The following ALDH5A1 variants were observed in gnomAD, a reference collection of about 807,000 sequenced individuals.
ALDH5A1 encodes aldehyde dehydrogenase 5 family member A1, also known as succinate-semialdehyde dehydrogenase, mitochondrial.
In ALDH5A1, 33 loss-of-function variants were observed where a neutral mutation model predicts 54.7. The observed-to-expected ratio is 0.60, with a 90% CI of 0.46 to 0.81. The LOEUF (loss-of-function observed/expected upper bound fraction) is 0.81. Ranked by LOEUF, ALDH5A1 falls within the 30% of genes least tolerant of loss-of-function variation. ALDH5A1 has a pLI of 0.00. For synonymous variants in ALDH5A1, 294 were observed against 292.7 expected (o/e 1.00, Z -0.05); for missense variants, 657 against 711.0 (o/e 0.92, Z 0.86).
At position 24,508,361 on chromosome 6, in the gene ALDH5A1, C is replaced by CAAAAAAAAAAAAAAAAAAA. The variant is rs1214819272; in HGVS notation, c.726+3385_726+3403dup. ...AGGTGACAGAGCAAGACTCCATCTCCAAAAAAAAAAAAAAAAAAAAAAAAA... is the reference window on the plus strand; with the variant it reads ...AGGTGACAGAGCAAGACTCCATCTCCAAAAAAAAAAAAAAAAAAAAAAAAAAAAAAAAAAAAAAAAAAAA... On this transcript the variant is annotated intron_variant, in intron 4 of 9. Transcript: ENST00000357578. Among the ~76,000 whole-genome samples the CAAAAAAAAAAAAAAAAAAA allele has an allele frequency of 1.1e-3, 15 of 13,068 alleles. 2 individuals are homozygous for CAAAAAAAAAAAAAAAAAAA. The highest frequency in any genetic ancestry group is 2.0e-3 in the African/African-American group (8 of 4,042). The allele number at this position is 13,068 out of a possible 152,430, so 8.6% of individuals were successfully genotyped here.
At chr6:24,496,293 A>C (rs1764703516) in intron 1 of ALDH5A1, among the ~76,000 whole-genome samples, 1 of 152,160 alleles carries the variant, frequency 6.6e-6, no homozygotes, top group African/African-American at 2.4e-5. Flanking sequence ...AGCAGAAGAG[A>C]GATCAGAACT....
Position 24,504,939 on chromosome 6 carries a change from T to C in ALDH5A1, c.680T>C (p.Val227Ala). 2 of 1,614,216 alleles carry C rather than the reference T, an allele frequency of 1.2e-6. No individual in the cohort carries two copies. Among genetic ancestry groups the C allele is most frequent in the Non-Finnish European group, 1.7e-6 (2 of 1,180,036 alleles). ...CTGGCAGCCGGCTGTACTGTCGTGG[T>C]GAAGCCTGCCGAAGACACGCCCTTC... ...AALAAGCTVV[V>A]KPAEDTPFSA... Residue 227 changes from valine (V) to alanine (A), a missense_variant, in exon 4 of 10, where the codon GTG becomes GCG. By Grantham distance (64) the Val-to-Ala change is moderately conservative (BLOSUM62 0). Coordinates refer to ENST00000357578, the MANE Select transcript of ALDH5A1 (RefSeq NM_001080.3).
chr6:24,523,945 CAAG>C (rs1759752300), intron 7 of ALDH5A1, among the ~76,000 whole-genome samples: 1 of 150,024 alleles, frequency 6.7e-6, no homozygotes, highest in Admixed American at 6.6e-5. Flanking sequence ...TTTGGAGTCA[CAAG>C]AAAGTTTCTT....
chr6:24,520,813 C>A (rs541730449), intron 6 of ALDH5A1, among the ~76,000 whole-genome samples: 7 of 151,962 alleles, frequency 4.6e-5, no homozygotes, highest in African/African-American at 1.7e-4. Flanking sequence ...CTCAGAGGGG[C>A]CCCCCCAAAA....
At chr6:24,515,141 C>A (rs760979320) in intron 4 of ALDH5A1, 26 bp from the exon 5 acceptor site, 3 of 1,323,130 alleles carry the variant, frequency 2.3e-6, no homozygotes, top group Non-Finnish European at 3.1e-6. Context: ...AAATTGTTGG[C>A]ACATGTTTGC....
chr6:24,504,771 T>G lies in ALDH5A1; in HGVS notation c.610-98T>G, dbSNP rs759618993. 44 of 1,192,472 alleles carry G rather than the reference T, an allele frequency of 3.7e-5. No homozygotes were observed. In the East Asian group the frequency reaches 4.0e-4, roughly 11 times the overall value. 73.9% of individuals were successfully genotyped at this position (1,192,472 alleles called of 1,614,324 possible). ...GCCAAACGGGTTTGTCAATCAGTTG[T>G]GCAATGAAATTTGTTCACTGACTTC... On this transcript the variant is annotated intron_variant, in intron 3 of 9. Transcript: ENST00000357578.
intron 1 of ALDH5A1, among the ~76,000 whole-genome samples, chr6:24,496,747 T>C (rs1764714626): frequency 6.6e-6 from 1 of 152,168 alleles, no homozygotes; most frequent in Non-Finnish European, 1.5e-5. Flanking sequence ...CCTCTGTGTG[T>C]ATATGTGTCC....
chr6:24,529,819 C>T (rs1269856088), intron 8 of ALDH5A1, among the ~76,000 whole-genome samples: 1 of 151,414 alleles, frequency 6.6e-6, no homozygotes, highest in African/African-American at 2.4e-5. Flanking sequence ...TTACAGGCGC[C>T]CGCCACCAGG....
At chr6:24,511,675 T>C (rs7769083) in intron 4 of ALDH5A1, among the ~76,000 whole-genome samples, 6,326 of 151,964 alleles carry the variant, frequency 0.042, 384 homozygotes, top group African/African-American at 0.13. Flanking sequence ...GGAGTTTTGA[T>C]TGTTTTTTAT....
Position 24,502,531 on chromosome 6 carries a change from T to C in ALDH5A1, c.363T>C (p.Ser121=), listed in dbSNP as rs760274189. The C allele has an allele frequency of 1.1e-5, 18 of 1,610,748 alleles. No individual in the cohort carries two copies. The South Asian group carries it at 2.0e-4, about 18-fold the overall frequency. ...RWREVSAKER[S]SLLRKWYNLM... is the part of the protein sequence containing the mutation. ...TGTTATTTCTTTTGCAGGAGAGGAGTTCATTACTTCGGAAGTGGTACAATT... is the reference window on the plus strand; with the variant it reads ...TGTTATTTCTTTTGCAGGAGAGGAGCTCATTACTTCGGAAGTGGTACAATT... The change falls in exon 2 of 10, where the codon AGT becomes AGC. Residue 121 remains serine, a synonymous_variant. Coordinates refer to ENST00000357578, the MANE Select transcript of ALDH5A1 (RefSeq NM_001080.3).
At position 24,518,324 on chromosome 6, in the gene ALDH5A1, C is replaced by T. The variant is rs568318536; in HGVS notation, c.871-2077C>T. 1.9e-4 allele frequency among the ~76,000 whole-genome samples: 29 copies of T among 152,336 alleles called. 1 individual carries two copies. Among genetic ancestry groups the T allele is most frequent in the Admixed American group, 1.8e-3 (28 of 15,304 alleles). ...GGAGCTGGGAAAAGATTCATTAAGA[C>T]ATGACAGGAGTTTACACTATACCCA... On this transcript the variant is annotated intron_variant, in intron 5 of 9. Coordinates refer to ENST00000357578, the MANE Select transcript of ALDH5A1 (RefSeq NM_001080.3). The surrounding 1 kb of genome is among the most constrained non-coding windows in gnomAD (Gnocchi z 4.2).
At chr6:24,523,489 G>A (rs807516) in intron 7 of ALDH5A1, among the ~76,000 whole-genome samples, 33,384 of 152,058 alleles carry the variant, frequency 0.22, 3,890 homozygotes, top group Non-Finnish European at 0.26. Flanking sequence ...GTCTGGTCAT[G>A]AGCTGCTATA....
At chr6:24,524,423 C>G (rs6910514) in intron 7 of ALDH5A1, among the ~76,000 whole-genome samples, 13,273 of 152,168 alleles carry the variant, frequency 0.087, 1,362 homozygotes, top group African/African-American at 0.25. Flanking sequence ...AACTGAAGAA[C>G]CAGAAGCAAG....
chr6:24,527,209 G>A (rs1320369290), intron 7 of ALDH5A1, among the ~76,000 whole-genome samples: 5 of 151,732 alleles, frequency 3.3e-5, no homozygotes, highest in Admixed American at 3.3e-4. Flanking sequence ...TCAATCAGGT[G>A]GAGTACAAAA....
Position 24,522,935 on chromosome 6 carries a change from T to A in ALDH5A1, c.1173+10T>A. 1 of 1,613,020 alleles carries A rather than the reference T, an allele frequency of 6.2e-7. No individual in the cohort carries two copies. Among genetic ancestry groups the A allele is most frequent in the African/African-American group, 1.3e-5 (1 of 74,934 alleles). On this transcript the variant is annotated intron_variant, in intron 7 of 9. Transcript: ENST00000357578. ...AAAAGCGGTAGAAAAGGTAAGTATA[T>A]TGTATTATTTGTGAAAGTAAATTTC...
intron 8 of ALDH5A1, 128 bp downstream of exon 8, chr6:24,528,294 G>C: frequency 1.0e-6 from 1 of 993,790 alleles, no homozygotes; most frequent in South Asian, 1.4e-5. Flanking sequence ...GTCCATTGAA[G>C]AGCAGAGTGC....
At chr6:24,520,656 G>GATA in intron 6 of ALDH5A1, 112 bp downstream of exon 6, 1 of 1,480,256 alleles carries the variant, frequency 6.8e-7, no homozygotes, top group South Asian at 1.2e-5. Context: ...GTGCGTGTGT[G>GATA]TGTGTTACAA....
intron 1 of ALDH5A1, among the ~76,000 whole-genome samples, chr6:24,497,334 CGCTGATTGGTGCATTTT>C (rs1561867268): frequency 4.1e-5 from 6 of 148,120 alleles, no homozygotes; most frequent in Admixed American, 1.3e-4. Flanking sequence ...TTTTACAGAG[CGCTGATTGGTGCATTTT>C]ACAGAGCGTT....
At chr6:24,522,596 A>G in intron 6 of ALDH5A1, 171 bp from the exon 7 acceptor site, 1 of 685,648 alleles carries the variant, frequency 1.5e-6, no homozygotes, top group East Asian at 2.8e-5. Context: ...GCACTGACTC[A>G]GTGCTTTTAT....
Sources: gnomAD v4.1 joint callset for allele counts (sites outside exome capture counted in the v4.1 genomes callset) on GRCh38, gnomAD v4.1.1 for gene constraint, Gnocchi (gnomAD v3.1) non-coding constraint, MANE v1.5 for transcripts, NCBI Gene and HGNC (gene_info 2026-07-23, HGNC 2026-07-21) for gene names.